RALYL: variants seen among roughly 807,000 people sequenced by gnomAD.
The protein encoded by RALYL is RALY RNA binding protein like.
In RALYL, 29 loss-of-function variants were observed where a neutral mutation model predicts 35.1. The ratio of observed to expected loss-of-function variants is 0.83; its 90% confidence interval spans 0.61 to 1.13. The LOEUF (loss-of-function observed/expected upper bound fraction) is 1.13, where lower values mean the gene tolerates loss of function less well. Among genes scored for constraint, RALYL ranks in the 50% most tolerant of loss-of-function variants. The pLI, the probability that RALYL is intolerant of heterozygous loss-of-function variation, is 0.00. For missense variants in RALYL, 359 were observed against 360.4 expected (o/e 1.00, Z 0.03); for synonymous variants, 120 against 127.6 (o/e 0.94, Z 0.40).
intron 1 of RALYL, among the ~76,000 whole-genome samples, chr8:84,482,056 T>C (rs1236735287): frequency 2.0e-5 from 3 of 152,172 alleles, no homozygotes; most frequent in Middle Eastern, 3.2e-3. Flanking sequence ...CTCATACTTA[T>C]ATCCAAAGCT....
intron 1 of RALYL, among the ~76,000 whole-genome samples, chr8:84,198,924 A>G (rs1250625478): frequency 6.6e-6 from 1 of 152,242 alleles, no homozygotes; most frequent in South Asian, 2.1e-4. Context: ...TTGCTTCCAA[A>G]TCTTGGCTGT....
At chr8:84,333,742 A>G (rs1208797336) in intron 1 of RALYL, among the ~76,000 whole-genome samples, 1 of 152,136 alleles carries the variant, frequency 6.6e-6, no homozygotes, top group Non-Finnish European at 1.5e-5. Flanking sequence ...CTGTAATCCC[A>G]GTTTTTGGAA....
At chr8:84,746,954 A>C (rs1387066) in intron 2 of RALYL, among the ~76,000 whole-genome samples, 40,863 of 151,242 alleles carry the variant, frequency 0.27, 5,906 homozygotes, top group African/African-American at 0.35. Flanking sequence ...AGGTTCAATT[A>C]ATTGCAAATT....
chr8:84,844,982 G>T lies in RALYL; in HGVS notation c.366-4998G>T, dbSNP rs553723151. Among the ~76,000 whole-genome samples, 305 of 152,082 alleles carry T rather than the reference G, an allele frequency of 2.0e-3. 2 individuals are homozygous for T. Among genetic ancestry groups the T allele is most frequent in the African/African-American group, 6.6e-3 (274 of 41,478 alleles). ...AGGGCCTGTTGTGGGGTGGGGGAAG[G>T]GGGGAGGGATACCATTAGGAGATAT... On this transcript the variant is annotated intron_variant, in intron 4 of 8. Transcript: ENST00000521268.
chr8:84,688,278 T>C (rs1273110913), intron 2 of RALYL, among the ~76,000 whole-genome samples: 2 of 151,998 alleles, frequency 1.3e-5, no homozygotes, highest in African/African-American at 4.8e-5. Flanking sequence ...GGTGACAAAA[T>C]AACAGGATAC....
At chr8:84,882,063 C>G (rs554064556) in intron 7 of RALYL, among the ~76,000 whole-genome samples, 1 of 152,000 alleles carries the variant, frequency 6.6e-6, no homozygotes, top group African/African-American at 2.4e-5. Context: ...ATGAATCTTA[C>G]ATGGTCAGCA....
chr8:84,901,083 T>C (rs1179019852), intron 8 of RALYL, among the ~76,000 whole-genome samples: 4 of 152,170 alleles, frequency 2.6e-5, no homozygotes, highest in Admixed American at 6.5e-5. Flanking sequence ...TACTTAATGA[T>C]TACAGTTCAA....
At chr8:84,685,291 G>A (rs1836524835) in intron 2 of RALYL, among the ~76,000 whole-genome samples, 1 of 152,088 alleles carries the variant, frequency 6.6e-6, no homozygotes, top group Non-Finnish European at 1.5e-5. Context: ...GTAGCTCAGA[G>A]AGAAGATACA....
chr8:84,265,185 C>T (rs996507226), intron 1 of RALYL, among the ~76,000 whole-genome samples: 2 of 152,210 alleles, frequency 1.3e-5, no homozygotes, highest in Non-Finnish European at 2.9e-5. Context: ...CCCTAATCCT[C>T]AGAACCTGTG....
intron 2 of RALYL, among the ~76,000 whole-genome samples, chr8:84,646,692 CGGAGGGATT>C (rs1390230282): frequency 6.6e-6 from 1 of 151,858 alleles, no homozygotes; most frequent in Non-Finnish European, 1.5e-5. Flanking sequence ...GTGTTGTGGG[CGGAGGGATT>C]GGAGTGTTTT....
chr8:84,332,710 G>C (rs1402923853), intron 1 of RALYL, among the ~76,000 whole-genome samples: 1 of 152,036 alleles, frequency 6.6e-6, no homozygotes, highest in Non-Finnish European at 1.5e-5. Context: ...GCCAGTGCCT[G>C]TCTTCCTAGT....
At chr8:84,359,203 G>A (rs1385340359) in intron 1 of RALYL, among the ~76,000 whole-genome samples, 1 of 150,214 alleles carries the variant, frequency 6.7e-6, no homozygotes, top group East Asian at 2.0e-4. Flanking sequence ...GGTTTGGAGG[G>A]ACTTTGAACT....
At chr8:84,777,392 T>C (rs530446490) in intron 3 of RALYL, among the ~76,000 whole-genome samples, 10 of 149,170 alleles carry the variant, frequency 6.7e-5, no homozygotes, top group African/African-American at 2.5e-4. Flanking sequence ...GGAAATACTA[T>C]ACAATAAACA....
intron 2 of RALYL, among the ~76,000 whole-genome samples, chr8:84,618,083 G>A (rs1195363128): frequency 1.3e-5 from 2 of 151,738 alleles, no homozygotes; most frequent in Non-Finnish European, 2.9e-5. Flanking sequence ...GCCCGGCTTT[G>A]GTATCAGAGT....
intron 1 of RALYL, among the ~76,000 whole-genome samples, chr8:84,198,983 A>T (rs1586108964): frequency 6.6e-6 from 1 of 152,118 alleles, no homozygotes; most frequent in East Asian, 1.9e-4. Flanking sequence ...TTGATATACT[A>T]ATCTTCTTTC....
At chr8:84,641,293 A>T (rs1826262554) in intron 2 of RALYL, among the ~76,000 whole-genome samples, 1 of 151,664 alleles carries the variant, frequency 6.6e-6, no homozygotes, top group Non-Finnish European at 1.5e-5. Flanking sequence ...CAACTTACAG[A>T]ATTATATATT....
intron 1 of RALYL, among the ~76,000 whole-genome samples, chr8:84,429,614 A>G (rs539378545): frequency 1.3e-5 from 2 of 152,198 alleles, no homozygotes; most frequent in East Asian, 1.9e-4. Context: ...TTGACTTGCC[A>G]TTCTTAAAAT....
chr8:84,807,731 C>T (rs1189116740), intron 4 of RALYL, among the ~76,000 whole-genome samples: 2 of 152,102 alleles, frequency 1.3e-5, no homozygotes, highest in South Asian at 4.1e-4. Flanking sequence ...GCTAGTATTG[C>T]ATTATGGTTT....
chr8:84,702,370 A>C (rs1840341764), intron 2 of RALYL, among the ~76,000 whole-genome samples: 1 of 152,096 alleles, frequency 6.6e-6, no homozygotes, highest in Non-Finnish European at 1.5e-5. Context: ...CTCTCAACAC[A>C]ACTATGTAAG....
Sources: gnomAD v4.1 joint callset for allele counts (sites outside exome capture counted in the v4.1 genomes callset) on GRCh38, gnomAD v4.1.1 for gene constraint, MANE v1.5 for transcripts, NCBI Gene and HGNC (gene_info 2026-07-23, HGNC 2026-07-21) for gene names.